ANK3: variants seen among roughly 807,000 people sequenced by gnomAD.
ANK3 encodes the protein ankyrin-3.
A neutral mutation model predicts 370.9 loss-of-function variants in ANK3; 57 were observed. The observed-to-expected ratio is 0.15, with a 90% CI of 0.12 to 0.19. The LOEUF (loss-of-function observed/expected upper bound fraction) is 0.19. Ranked by LOEUF, ANK3 falls within the 10% of genes least tolerant of loss-of-function variation. The probability of loss-of-function intolerance (pLI) is 1.00; values close to 1 mark genes in which losing one functional copy is unlikely to be tolerated. For synonymous variants in ANK3, 1,929 were observed against 1,946.3 expected (o/e 0.99, Z 0.23); for missense variants, 4,439 against 5,302.1 (o/e 0.84, Z 5.06).
intron 2 of ANK3, among the ~76,000 whole-genome samples, chr10:60,469,369 G>GTA (rs376716334): frequency 0.014 from 2 of 140 alleles, 1 homozygote; most frequent in Non-Finnish European, 0.038. Flanking sequence ...CACTTTTAGT[G>GTA]TATATATATA....
At chr10:60,374,334 A>G (rs2060491109) in intron 1 of ANK3, among the ~76,000 whole-genome samples, 1 of 152,164 alleles carries the variant, frequency 6.6e-6, no homozygotes, top group African/African-American at 2.4e-5. Context: ...TTCCTGAGAG[A>G]TACAAACAGT....
In ANK3 at chr10:60,381,332, C is replaced by A. The variant is rs540658334; in HGVS notation, c.114+8093G>T. ...TAGGGTTCTTAAGCTTTAATACCTG[C>A]CTCAGCAATCATTTAGCTACTGAGA... On this transcript the variant is annotated intron_variant, in intron 1 of 43. Coordinates refer to ENST00000280772, the MANE Select transcript of ANK3 (RefSeq NM_020987.5). 5.3e-5 allele frequency among the ~76,000 whole-genome samples: 8 copies of A among 152,182 alleles called. 1 individual carries two copies. The highest frequency in any genetic ancestry group is 4.6e-4 in the Admixed American group (7 of 15,262).
intron 9 of ANK3, among the ~76,000 whole-genome samples, chr10:60,208,951 G>C (rs2096805868): frequency 6.6e-6 from 1 of 152,062 alleles, no homozygotes; most frequent in Non-Finnish European, 1.5e-5. Flanking sequence ...AAATCAACTG[G>C]GTTCAATAAC....
At chr10:60,305,567 A>G (rs1032091015) in intron 1 of ANK3, among the ~76,000 whole-genome samples, 15 of 152,176 alleles carry the variant, frequency 9.9e-5, no homozygotes, top group African/African-American at 3.4e-4. Flanking sequence ...TAAACACTCC[A>G]TGCTGTTACT....
In ANK3 at chr10:60,084,808, G is replaced by C; in HGVS notation, c.3868C>G (p.Gln1290Glu). 3.2e-6 allele frequency: 5 copies of C among 1,555,720 alleles called. No individual in the cohort carries two copies. The highest frequency in any genetic ancestry group is 4.3e-6 in the Non-Finnish European group (5 of 1,153,490). ...GCTAACCCCACAGTTTCTAAAACTT[G>C]ATGGCAGTCTGCAAGCCAAAATCTG... Reference protein sequence around the residue: ...SARFWLADCHQVLETVGLATQ... With the variant: ...SARFWLADCHEVLETVGLATQ... The change falls in exon 32 of 44, where the codon CAA becomes GAA. Residue 1290 changes from glutamine to glutamate, a missense_variant. Physicochemically the swap from Gln to Glu is conservative, Grantham distance 29 (BLOSUM62 2). Transcript: ENST00000280772.
chr10:60,418,081 G>GAC (rs1567023890), intron 2 of ANK3, among the ~76,000 whole-genome samples: 7 of 151,814 alleles, frequency 4.6e-5, no homozygotes, highest in Non-Finnish European at 1.0e-4. Context: ...TCCTTCAGTT[G>GAC]TCAGAGCCCT....
intron 1 of ANK3, among the ~76,000 whole-genome samples, chr10:60,350,732 GT>G (rs1052389930): frequency 6.6e-6 from 1 of 152,182 alleles, no homozygotes; most frequent in Non-Finnish European, 1.5e-5. Flanking sequence ...AGTGTGAGCA[GT>G]TTTTTAGGTC....
chr10:60,441,885 C>T (rs2064308051), intron 2 of ANK3, among the ~76,000 whole-genome samples: 1 of 152,078 alleles, frequency 6.6e-6, no homozygotes, highest in Non-Finnish European at 1.5e-5. Flanking sequence ...TCCCCATGGT[C>T]TGCAGCCATG....
chr10:60,121,616 G>A (rs929605078), intron 25 of ANK3, among the ~76,000 whole-genome samples: 11 of 151,720 alleles, frequency 7.3e-5, no homozygotes, highest in Non-Finnish European at 1.3e-4. Context: ...GGCTTGAGCT[G>A]GGAGGTGGAG....
At chr10:60,298,530 C>T (rs1291792475) in intron 1 of ANK3, among the ~76,000 whole-genome samples, 1 of 152,148 alleles carries the variant, frequency 6.6e-6, no homozygotes, top group Non-Finnish European at 1.5e-5. Flanking sequence ...GATGGAACTT[C>T]TATATGATTC....
At chr10:60,352,595 G>C (rs961521251) in intron 1 of ANK3, among the ~76,000 whole-genome samples, 2 of 152,124 alleles carry the variant, frequency 1.3e-5, no homozygotes, top group Non-Finnish European at 2.9e-5. Flanking sequence ...TGGCCCCTGA[G>C]AGCACAGGTG....
In ANK3 at chr10:60,078,790, T is replaced by C. The variant is rs368683860; in HGVS notation, c.4432+1747A>G. Among the ~76,000 whole-genome samples, 125 of 152,340 alleles carry C rather than the reference T, an allele frequency of 8.2e-4. 1 individual carries two copies. The highest frequency in any genetic ancestry group is 6.0e-3 in the East Asian group (31 of 5,190). ...ACACCAGTTTTGAGACTTACTTTTC[T>C]TTTAGTCACTTCCTATTCCTATTCA... On this transcript the variant is annotated intron_variant, in intron 36 of 43. Coordinates refer to ENST00000280772, the MANE Select transcript of ANK3 (RefSeq NM_020987.5).
chr10:60,704,921 T>A (rs944892708), intron 1 of ANK3, among the ~76,000 whole-genome samples: 4 of 152,154 alleles, frequency 2.6e-5, no homozygotes, highest in Admixed American at 6.5e-5. Context: ...TCTATATGAA[T>A]CAATAGAATC....
At chr10:60,545,337 G>A (rs745870567) in intron 2 of ANK3, among the ~76,000 whole-genome samples, 3 of 151,628 alleles carry the variant, frequency 2.0e-5, no homozygotes, top group Non-Finnish European at 4.4e-5. Flanking sequence ...ATTTCATCTT[G>A]TTTTCCAGCT....
chr10:60,728,699 C>T (rs1292450646), intron 1 of ANK3, among the ~76,000 whole-genome samples: 1 of 152,250 alleles, frequency 6.6e-6, no homozygotes, highest in East Asian at 1.9e-4. Flanking sequence ...GGTTACAGAA[C>T]TAGTTAGTTG....
intron 28 of ANK3, among the ~76,000 whole-genome samples, chr10:60,099,897 G>C (rs2090866758): frequency 6.6e-6 from 1 of 151,818 alleles, no homozygotes; most frequent in Non-Finnish European, 1.5e-5. Flanking sequence ...CAACCTCGTG[G>C]ACCTGCTTCA....
chr10:60,154,612 G>A (rs1374993343), intron 23 of ANK3, among the ~76,000 whole-genome samples: 1 of 152,080 alleles, frequency 6.6e-6, no homozygotes, highest in Non-Finnish European at 1.5e-5. Flanking sequence ...TGGCCAACAT[G>A]GTGAAATCCT....
chr10:60,475,830 T>G (rs1013541093), intron 2 of ANK3, among the ~76,000 whole-genome samples: 2 of 152,156 alleles, frequency 1.3e-5, no homozygotes, highest in Non-Finnish European at 2.9e-5. Flanking sequence ...GGAGTCGCTT[T>G]CGAAAAAATC....
chr10:60,584,786 T>A (rs532525166), intron 2 of ANK3, among the ~76,000 whole-genome samples: 120 of 152,312 alleles, frequency 7.9e-4, no homozygotes, highest in African/African-American at 2.7e-3. Flanking sequence ...TGAAACTCAA[T>A]GACATCTTCA....
Sources: gnomAD v4.1 joint callset for allele counts (sites outside exome capture counted in the v4.1 genomes callset) on GRCh38, gnomAD v4.1.1 for gene constraint, MANE v1.5 for transcripts, NCBI Gene and HGNC (gene_info 2026-07-23, HGNC 2026-07-21) for gene names.